Variants in WWOX observed in about 807,000 individuals in gnomAD.
WWOX encodes the protein WW domain containing oxidoreductase, also known as WW domain-containing oxidoreductase.
WWOX carries 69 observed loss-of-function variants against 46.2 expected under a neutral mutation model. The observed-to-expected ratio is 1.49, with a 90% CI of 1.23 to 1.82. The LOEUF (loss-of-function observed/expected upper bound fraction) is 1.82. Among genes scored for constraint, WWOX ranks in the 40% most tolerant of loss-of-function variants. The pLI is 0.00. For synonymous variants in WWOX, 359 were observed against 202.6 expected, an observed-to-expected ratio of 1.77 and a Z score of -6.56; for missense variants, 919 against 542.6, an observed-to-expected ratio of 1.69 and a Z score of -6.89.
intron 8 of WWOX, among the ~76,000 whole-genome samples, chr16:79,033,319 G>C (rs995779389): frequency 6.8e-6 from 1 of 147,654 alleles, no homozygotes; most frequent in Non-Finnish European, 1.5e-5. Flanking sequence ...TGTATGTATA[G>C]AGAGTCTATT....
Position 78,971,436 on chromosome 16 carries a change from C to G in WWOX, c.1057-240172C>G, listed in dbSNP as rs111706808. 5.3e-5 allele frequency among the ~76,000 whole-genome samples: 7 copies of G among 132,892 alleles called. 1 individual carries two copies. Among genetic ancestry groups the G allele is most frequent in the East Asian group, 2.4e-4 (1 of 4,252 alleles). The allele number at this position is 132,892 out of a possible 152,430, so 87.2% of individuals were successfully genotyped here. A position where few individuals can be genotyped will look rare whatever the true frequency, so the allele number is the denominator to read the frequency against. On this transcript the variant is annotated intron_variant, in intron 8 of 8. Coordinates refer to ENST00000566780, the MANE Select transcript of WWOX (RefSeq NM_016373.4). ...CGCCACTGCTCTCCAGTCTGGGTGA[C>G]AGACTCTGTGTCAAAAAAAAAAAAA...
At chr16:78,695,736 G>A (rs2048084782) in intron 8 of WWOX, among the ~76,000 whole-genome samples, 1 of 152,328 alleles carries the variant, frequency 6.6e-6, no homozygotes, top group African/African-American at 2.4e-5. Flanking sequence ...AGAACCAAGA[G>A]CCAGACACAG....
intron 8 of WWOX, among the ~76,000 whole-genome samples, chr16:78,438,144 G>A (rs776199484): frequency 1.3e-5 from 2 of 152,108 alleles, no homozygotes; most frequent in Non-Finnish European, 2.9e-5. Context: ...CAGATACCAC[G>A]ATGCTTTATG....
At chr16:78,757,613 C>A (rs897173634) in intron 8 of WWOX, among the ~76,000 whole-genome samples, 2 of 152,056 alleles carry the variant, frequency 1.3e-5, no homozygotes, top group Non-Finnish European at 2.9e-5. Context: ...TATGTAAAAA[C>A]ATTTGTATTT....
At chr16:78,554,222 G>A (rs763609976) in intron 8 of WWOX, among the ~76,000 whole-genome samples, 7 of 152,118 alleles carry the variant, frequency 4.6e-5, no homozygotes, top group Non-Finnish European at 7.4e-5. Context: ...CCAGATGCAT[G>A]TGGACATGAT....
At chr16:78,985,253 G>T (rs572180557) in intron 8 of WWOX, among the ~76,000 whole-genome samples, 1 of 152,322 alleles carries the variant, frequency 6.6e-6, no homozygotes, top group Middle Eastern at 3.4e-3. Flanking sequence ...AGGCACAAAC[G>T]CTGTCTTCTG....
intron 8 of WWOX, among the ~76,000 whole-genome samples, chr16:78,850,381 G>A (rs893444171): frequency 1.1e-4 from 17 of 152,028 alleles, no homozygotes; most frequent in Non-Finnish European, 1.9e-4. Context: ...TAGCACAAGT[G>A]TCTTCCCCTG....
intron 8 of WWOX, chr16:78,503,934 T>A (rs2085131668): frequency 6.6e-6 from 1 of 152,178 alleles, no homozygotes; most frequent in African/African-American, 2.4e-5. Flanking sequence ...AAATAGTAAA[T>A]CACATTTTTA....
intron 4 of WWOX, among the ~76,000 whole-genome samples, chr16:78,146,883 T>G (rs1347230933): frequency 6.6e-6 from 1 of 152,218 alleles, no homozygotes; most frequent in Non-Finnish European, 1.5e-5. Context: ...TACTTCCTTG[T>G]TTTAAAGCTA....
chr16:78,712,682 C>A (rs188307981), intron 8 of WWOX, among the ~76,000 whole-genome samples: 2 of 152,120 alleles, frequency 1.3e-5, no homozygotes, highest in Admixed American at 1.3e-4. Flanking sequence ...GAGTAGCCTT[C>A]ATTTTTTAAA....
intron 5 of WWOX, among the ~76,000 whole-genome samples, chr16:78,228,343 T>TC (rs1156955808): frequency 4.0e-5 from 1 of 25,306 alleles, no homozygotes; most frequent in East Asian, 3.8e-3. Flanking sequence ...TTCTCTCTTT[T>TC]TTTTTTTTTT....
intron 8 of WWOX, among the ~76,000 whole-genome samples, chr16:78,856,864 C>T (rs1284755155): frequency 1.3e-5 from 2 of 152,130 alleles, no homozygotes; most frequent in African/African-American, 4.8e-5. Flanking sequence ...TGTCATTGTG[C>T]CACCATCATA....
chr16:79,122,050 A>C (rs1056175096), intron 8 of WWOX, among the ~76,000 whole-genome samples: 1 of 152,148 alleles, frequency 6.6e-6, no homozygotes, highest in Non-Finnish European at 1.5e-5. Flanking sequence ...GATGGGTCCC[A>C]GCTGTGCACA....
intron 8 of WWOX, among the ~76,000 whole-genome samples, chr16:78,616,247 G>C (rs2046022011): frequency 6.6e-6 from 1 of 151,824 alleles, no homozygotes; most frequent in Non-Finnish European, 1.5e-5. Context: ...TAAGCAAGTA[G>C]GATGTTTGTC....
At chr16:78,389,751 A>G (rs892109509) in intron 6 of WWOX, among the ~76,000 whole-genome samples, 1 of 151,880 alleles carries the variant, frequency 6.6e-6, no homozygotes. Context: ...ATTTTAGTTT[A>G]TTTTTTATTT....
At chr16:78,794,339 T>A (rs576307113) in intron 8 of WWOX, among the ~76,000 whole-genome samples, 17 of 152,216 alleles carry the variant, frequency 1.1e-4, no homozygotes, top group African/African-American at 3.9e-4. Flanking sequence ...CCCAGGAGTC[T>A]CTCTCGGTCT....
At chr16:78,609,682 T>A (rs1336375692) in intron 8 of WWOX, among the ~76,000 whole-genome samples, 2 of 152,140 alleles carry the variant, frequency 1.3e-5, no homozygotes. Flanking sequence ...CTACTCCAAG[T>A]TTGCATTCTG....
intron 8 of WWOX, among the ~76,000 whole-genome samples, chr16:78,577,060 A>G (rs11861719): frequency 0.16 from 24,046 of 152,152 alleles, 2,379 homozygotes; most frequent in African/African-American, 0.28. Flanking sequence ...ATCTCATTCT[A>G]TAGCTCAGGT....
intron 5 of WWOX, among the ~76,000 whole-genome samples, chr16:78,190,876 C>G (rs959816439): frequency 6.6e-6 from 1 of 152,112 alleles, no homozygotes; most frequent in Non-Finnish European, 1.5e-5. Context: ...CTTTAGTTCC[C>G]ATTATATCAT....
Sources: gnomAD v4.1 joint callset for allele counts (sites outside exome capture counted in the v4.1 genomes callset) on GRCh38, gnomAD v4.1.1 for gene constraint, MANE v1.5 for transcripts, NCBI Gene and HGNC (gene_info 2026-07-23, HGNC 2026-07-21) for gene names.